RANBP10: variants seen among roughly 807,000 people sequenced by gnomAD.
RANBP10 encodes ran-binding protein 10.
A neutral mutation model predicts 72.8 loss-of-function variants in RANBP10; 24 were observed. That is an observed-to-expected ratio of 0.33 (90% CI 0.24 to 0.46). The LOEUF is 0.46. Among genes scored for constraint, RANBP10 ranks in the 20% least tolerant of loss-of-function variants. RANBP10 has a pLI of 1.00. For missense variants in RANBP10, 679 were observed against 817.5 expected (o/e 0.83, Z 2.07); for synonymous variants, 310 against 322.3 (o/e 0.96, Z 0.41).
At position 67,723,289 on chromosome 16, in the gene RANBP10, A is replaced by T. The variant is rs1192849900; in HGVS notation, c.*3139T>A. ...GAGGATGTCTGTTGCAGCTGTAGTTACTAATGCAGGAAAACCCAATGCAAA... is the reference window on the plus strand; with the variant it reads ...GAGGATGTCTGTTGCAGCTGTAGTTTCTAATGCAGGAAAACCCAATGCAAA... On this transcript the variant is annotated 3_prime_UTR_variant, in exon 14 of 14. Transcript: ENST00000317506. 1 of 152,692 alleles carries T rather than the reference A, an allele frequency of 6.5e-6. No individual in the cohort carries two copies. The highest frequency in any genetic ancestry group is 2.4e-5 in the African/African-American group (1 of 41,470). The allele number at this position is 152,692 out of a possible 1,614,324, so 9.5% of individuals were successfully genotyped here.
At chr16:67,743,131 TC>T (rs1360113330) in intron 4 of RANBP10, among the ~76,000 whole-genome samples, 7 of 152,292 alleles carry the variant, frequency 4.6e-5, no homozygotes, top group African/African-American at 1.4e-4. Flanking sequence ...CCCACTCAGG[TC>T]CCCTGATACT....
intron 3 of RANBP10, among the ~76,000 whole-genome samples, chr16:67,765,027 T>A (rs1380650439): frequency 6.6e-6 from 1 of 151,854 alleles, no homozygotes; most frequent in Non-Finnish European, 1.5e-5. Flanking sequence ...CACAAAGATG[T>A]GTAAGTACCG....
intron 2 of RANBP10, among the ~76,000 whole-genome samples, chr16:67,794,461 C>G (rs926305128): frequency 6.6e-6 from 1 of 151,600 alleles, no homozygotes; most frequent in Non-Finnish European, 1.5e-5. Flanking sequence ...GCCACCACAC[C>G]CGGCCTGCTG....
intron 3 of RANBP10, among the ~76,000 whole-genome samples, chr16:67,769,196 C>CT (rs2054560058): frequency 6.6e-6 from 1 of 152,020 alleles, no homozygotes; most frequent in Non-Finnish European, 1.5e-5. Context: ...AATCTCAGCA[C>CT]TTTGGGAGGC....
intron 3 of RANBP10, among the ~76,000 whole-genome samples, chr16:67,747,817 CT>C (rs1160482023): frequency 1.4e-3 from 173 of 121,316 alleles, no homozygotes; most frequent in Middle Eastern, 8.5e-3. Flanking sequence ...ATTTTCTTTT[CT>C]TTTTTTTTTT....
Position 67,784,636 on chromosome 16 carries a change from A to C in RANBP10, c.348-12550T>G, listed in dbSNP as rs183557488. On this transcript the variant is annotated intron_variant, in intron 2 of 13. Coordinates refer to ENST00000317506, the MANE Select transcript of RANBP10 (RefSeq NM_020850.3). ...GAGTCATTGCGCTCCAGCCTGGGCC[A>C]CAAGAGTGAAACTCCATCCCAAAAA... Among the ~76,000 whole-genome samples the C allele has an allele frequency of 2.3e-3, 352 of 152,154 alleles. 1 individual carries two copies. The highest frequency in any genetic ancestry group is 4.0e-3 in the Non-Finnish European group (272 of 67,994).
chr16:67,802,110 A>C (rs995154077), intron 2 of RANBP10, among the ~76,000 whole-genome samples: 6 of 151,650 alleles, frequency 4.0e-5, no homozygotes, highest in Non-Finnish European at 7.4e-5. Context: ...AAAAAAAAAA[A>C]ATCTACAAAA....
At chr16:67,757,391 T>A (rs2054305482) in intron 3 of RANBP10, among the ~76,000 whole-genome samples, 1 of 152,190 alleles carries the variant, frequency 6.6e-6, no homozygotes, top group African/African-American at 2.4e-5. Flanking sequence ...ATCTAACCCT[T>A]GCAGCGCCAG....
At chr16:67,757,665 CA>C (rs1422439338) in intron 3 of RANBP10, among the ~76,000 whole-genome samples, 2 of 152,204 alleles carry the variant, frequency 1.3e-5, no homozygotes, top group East Asian at 3.8e-4. Context: ...CGGCCTGGAG[CA>C]GCTCAACAAT....
At chr16:67,781,858 AACCGC>A (rs950944346) in intron 2 of RANBP10, among the ~76,000 whole-genome samples, 3 of 152,216 alleles carry the variant, frequency 2.0e-5, no homozygotes, top group Non-Finnish European at 4.4e-5. Flanking sequence ...GAGAAGAAGC[AACCGC>A]ACCTGGAAGC....
intron 3 of RANBP10, among the ~76,000 whole-genome samples, chr16:67,758,343 T>G (rs1010695120): frequency 2.0e-5 from 3 of 152,188 alleles, no homozygotes; most frequent in African/African-American, 7.2e-5. Flanking sequence ...AGGCTAGGTG[T>G]CTCTCTTCTA....
chr16:67,798,055 C>T (rs9796993), intron 2 of RANBP10, among the ~76,000 whole-genome samples: 2 of 151,680 alleles, frequency 1.3e-5, no homozygotes, highest in Non-Finnish European at 2.9e-5. Flanking sequence ...TCTCTTACCC[C>T]GTGTTCCAGA....
rs1305227824 is a variant in RANBP10 at position 67,725,507 on chromosome 16, TAAC to T, written c.*918_*920del. On this transcript the variant is annotated 3_prime_UTR_variant, in exon 14 of 14. Transcript: ENST00000317506. ...GAGTAAATGTATTATTTGGCCATCTTAACAACAAGGGAAGATAGGGTATTGAAA... is the reference window on the plus strand; with the variant it reads ...GAGTAAATGTATTATTTGGCCATCTTAACAAGGGAAGATAGGGTATTGAAA... 2.6e-5 allele frequency: 4 copies of T among 152,544 alleles called. No homozygotes were observed. Among genetic ancestry groups the T allele is most frequent in the East Asian group, 1.9e-4 (1 of 5,198 alleles). 9.4% of individuals were successfully genotyped at this position (152,544 alleles called of 1,614,324 possible).
Position 67,726,190 on chromosome 16 carries a change from T to C in RANBP10, c.*238A>G. 2 of 490,826 alleles carry C rather than the reference T, an allele frequency of 4.1e-6. No homozygotes were observed. The highest frequency in any genetic ancestry group is 7.2e-6 in the Non-Finnish European group (2 of 277,600). 30.4% of individuals were successfully genotyped at this position (490,826 alleles called of 1,614,324 possible). A position where few individuals can be genotyped will look rare whatever the true frequency, so the allele number is the denominator to read the frequency against. On this transcript the variant is annotated 3_prime_UTR_variant, in exon 14 of 14. Transcript: ENST00000317506. ...CAAAATAGAAGGCGCTACATGAGAG[T>C]AACCAGCCAATACTGTGTTACAGGC...
chr16:67,794,960 A>T (rs1378421693), intron 2 of RANBP10, among the ~76,000 whole-genome samples: 1 of 147,122 alleles, frequency 6.8e-6, no homozygotes, highest in Non-Finnish European at 1.5e-5. Flanking sequence ...AAAAAAAAAC[A>T]GCAACAAAAA....
chr16:67,759,960 T>C, intron 3 of RANBP10, among the ~76,000 whole-genome samples: 1 of 151,240 alleles, frequency 6.6e-6, no homozygotes, highest in East Asian at 1.9e-4. Flanking sequence ...ATTAGCTGGG[T>C]GTGGTGGCAG....
At chr16:67,746,149 T>C (rs1378621903) in intron 3 of RANBP10, among the ~76,000 whole-genome samples, 1 of 138,226 alleles carries the variant, frequency 7.2e-6, no homozygotes, top group Non-Finnish European at 1.6e-5. Flanking sequence ...AGAGCGAAAC[T>C]CTGTCTCAAA....
In RANBP10 at chr16:67,744,311, T is replaced by C. The variant is rs749865571; in HGVS notation, c.545A>G (p.Tyr182Cys). 1.9e-6 allele frequency: 3 copies of C among 1,614,128 alleles called. No homozygotes were observed. The highest frequency in any genetic ancestry group is 2.5e-6 in the Non-Finnish European group (3 of 1,179,990). Residue 182 changes from tyrosine (Y) to cysteine (C), a missense_variant, in exon 4 of 14, where the codon TAC becomes TGC. By Grantham distance (194) the Tyr-to-Cys change is radical. Transcript: ENST00000317506. ...CVNLINGTCF[Y>C]TKNGHSLGIA... ...ACCAAGGCTGTGGCCATTCTTGGTGTAGAAGCAGGTGCCATTGATGAGGTT... is the reference window on the plus strand; with the variant it reads ...ACCAAGGCTGTGGCCATTCTTGGTGCAGAAGCAGGTGCCATTGATGAGGTT...
At chr16:67,781,759 T>C (rs2054815802) in intron 2 of RANBP10, among the ~76,000 whole-genome samples, 1 of 152,164 alleles carries the variant, frequency 6.6e-6, no homozygotes, top group Non-Finnish European at 1.5e-5. Context: ...AGAACAGCTA[T>C]TCTGCCCTAT....
Sources: allele counts gnomAD v4.1 joint callset (sites outside exome capture counted in the v4.1 genomes callset), GRCh38; gene constraint gnomAD v4.1.1; transcripts MANE v1.5; gene names NCBI Gene and HGNC (gene_info 2026-07-23, HGNC 2026-07-21).